The following TTLL5 variants were observed in gnomAD, a reference collection of about 807,000 sequenced individuals.
The protein encoded by TTLL5 is tubulin polyglutamylase TTLL5.
Under a neutral mutation model 168.4 loss-of-function variants are expected in TTLL5, and 132 were observed. That is an observed-to-expected ratio of 0.78 (90% CI 0.68 to 0.91). The LOEUF (loss-of-function observed/expected upper bound fraction) is 0.91, where lower values mean the gene tolerates loss of function less well. Ranked by LOEUF, TTLL5 falls within the 40% of genes least tolerant of loss-of-function variation. The pLI is 0.00. For missense variants in TTLL5, 1,545 were observed against 1,581.5 expected (o/e 0.98, Z 0.39); for synonymous variants, 546 against 558.6 (o/e 0.98, Z 0.32).
chr14:75,813,862 T>C (rs1894219373), intron 27 of TTLL5, among the ~76,000 whole-genome samples: 1 of 150,038 alleles, frequency 6.7e-6, no homozygotes, highest in Non-Finnish European at 1.5e-5. Context: ...TTTTCAACTA[T>C]CTCCTGTCTG....
At chr14:75,763,021 C>A (rs989049794) in intron 18 of TTLL5, among the ~76,000 whole-genome samples, 12 of 151,894 alleles carry the variant, frequency 7.9e-5, no homozygotes, top group Non-Finnish European at 1.6e-4. Context: ...TTAAGAGACA[C>A]GTCATTGGAG....
intron 31 of TTLL5, among the ~76,000 whole-genome samples, chr14:75,912,633 G>A (rs966799550): frequency 5.3e-5 from 8 of 152,120 alleles, no homozygotes; most frequent in African/African-American, 1.9e-4. Flanking sequence ...ATGATAAATT[G>A]GAGTATATAG....
intron 29 of TTLL5, 97 bp from the exon 30 acceptor site, chr14:75,882,588 C>T: frequency 3.7e-6 from 4 of 1,091,396 alleles, no homozygotes; most frequent in East Asian, 2.5e-5. Context: ...TTGTCCTTTT[C>T]TTTTTGCCCC....
intron 27 of TTLL5, among the ~76,000 whole-genome samples, chr14:75,796,404 G>A (rs1892999361): frequency 2.0e-5 from 3 of 152,016 alleles, no homozygotes; most frequent in Admixed American, 2.0e-4. Context: ...TATTTCTTTT[G>A]CCTGCAGAAG....
chr14:75,889,817 G>A (rs1055211809), intron 30 of TTLL5, among the ~76,000 whole-genome samples: 82 of 106,954 alleles, frequency 7.7e-4, no homozygotes, highest in African/African-American at 2.8e-3. Flanking sequence ...GCAACAGAGC[G>A]AGACTCTTAA....
At chr14:75,830,769 C>G (rs1210991640) in intron 28 of TTLL5, among the ~76,000 whole-genome samples, 1 of 152,128 alleles carries the variant, frequency 6.6e-6, no homozygotes, top group Non-Finnish European at 1.5e-5. Context: ...CCTTGGTAAG[C>G]AGTAGGAACT....
intron 30 of TTLL5, among the ~76,000 whole-genome samples, chr14:75,892,189 C>A (rs147383718): frequency 1.5e-3 from 226 of 152,308 alleles, no homozygotes; most frequent in Middle Eastern, 3.4e-3. Context: ...CCAGTTGGCT[C>A]CCAAAGTTCA....
intron 28 of TTLL5, among the ~76,000 whole-genome samples, chr14:75,836,558 C>T (rs1895879585): frequency 1.3e-5 from 2 of 152,100 alleles, no homozygotes; most frequent in South Asian, 4.1e-4. Context: ...TGTAATTGGA[C>T]TGTATGTAAC....
chr14:75,905,456 A>G (rs1595243749), intron 31 of TTLL5, among the ~76,000 whole-genome samples: 1 of 152,230 alleles, frequency 6.6e-6, no homozygotes, highest in South Asian at 2.1e-4. Flanking sequence ...TCTTGGTATT[A>G]TGAACATTAA....
intron 27 of TTLL5, among the ~76,000 whole-genome samples, chr14:75,793,864 A>G (rs1224175828): frequency 6.6e-6 from 1 of 152,248 alleles, no homozygotes; most frequent in Non-Finnish European, 1.5e-5. Flanking sequence ...CAAAGGAATT[A>G]TCATAATTTA....
At chr14:75,762,912 T>G (rs1890740461) in intron 18 of TTLL5, among the ~76,000 whole-genome samples, 1 of 152,234 alleles carries the variant, frequency 6.6e-6, no homozygotes, top group Admixed American at 6.5e-5. Context: ...TTCGTGAACG[T>G]AAACACTGGG....
chr14:75,932,867 C>T (rs1287128603), intron 31 of TTLL5, among the ~76,000 whole-genome samples: 2 of 152,150 alleles, frequency 1.3e-5, no homozygotes, highest in African/African-American at 4.8e-5. Flanking sequence ...CCTGTGAGAG[C>T]GTTGTTGGTG....
At chr14:75,726,791 G>T (rs546074500) in intron 12 of TTLL5, among the ~76,000 whole-genome samples, 1 of 152,138 alleles carries the variant, frequency 6.6e-6, no homozygotes, top group East Asian at 1.9e-4. Flanking sequence ...GAATTGACAA[G>T]TTTAAATTCA....
rs150707353 is a variant in TTLL5 at position 75,741,997 on chromosome 14, A to G, written c.1282-3098A>G. On this transcript the variant is annotated intron_variant, in intron 15 of 31. Coordinates refer to ENST00000298832, the MANE Select transcript of TTLL5 (RefSeq NM_015072.5). ...AGAAGCCAGGAATATTAAAAAAACC[A>G]TTAAAAACAATACCCAGGAATTGGA... is the stretch of plus-strand genomic sequence containing the variant. Among the ~76,000 whole-genome samples the G allele has an allele frequency of 8.3e-3, 1,268 of 152,316 alleles. 16 individuals are homozygous for G. Among genetic ancestry groups the G allele is most frequent in the African/African-American group, 0.029 (1,194 of 41,566 alleles).
At position 75,752,497 on chromosome 14, in the gene TTLL5, C is replaced by G. The variant is rs549687715; in HGVS notation, c.1488-396C>G. On this transcript the variant is annotated intron_variant, in intron 17 of 31. Transcript: ENST00000298832. Reference sequence around the variant, plus strand: ...GGGAATAACATGATTGAAACAGTCTCTTATCTACATTTTCAGGCCCTTTAT... The same window carrying G: ...GGGAATAACATGATTGAAACAGTCTGTTATCTACATTTTCAGGCCCTTTAT... Among the ~76,000 whole-genome samples, 13 of 152,304 alleles carry G rather than the reference C, an allele frequency of 8.5e-5. No homozygotes were observed. The South Asian group carries it at 2.7e-3, about 32-fold the overall frequency.
intron 7 of TTLL5, among the ~76,000 whole-genome samples, chr14:75,705,463 T>C (rs1886586045): frequency 6.6e-6 from 1 of 152,190 alleles, no homozygotes; most frequent in East Asian, 1.9e-4. Context: ...TGGGAAGAGG[T>C]AAGAATAAAG....
intron 30 of TTLL5, among the ~76,000 whole-genome samples, chr14:75,897,567 C>T (rs1595228755): frequency 6.6e-6 from 1 of 152,122 alleles, no homozygotes; most frequent in East Asian, 1.9e-4. Flanking sequence ...ACCTCTGCCT[C>T]CTGGGTTCAG....
intron 6 of TTLL5, among the ~76,000 whole-genome samples, chr14:75,695,970 T>C (rs1219620298): frequency 1.5e-5 from 2 of 137,644 alleles, no homozygotes; most frequent in Non-Finnish European, 1.6e-5. Context: ...TAGCTCCCCA[T>C]AACCTCGAAT....
At chr14:75,730,776 G>T (rs969710494) in intron 12 of TTLL5, among the ~76,000 whole-genome samples, 1 of 151,912 alleles carries the variant, frequency 6.6e-6, no homozygotes, top group African/African-American at 2.4e-5. Flanking sequence ...CTGGAGTGCA[G>T]TGGTGCGGTC....
Sources: allele counts gnomAD v4.1 joint callset (sites outside exome capture counted in the v4.1 genomes callset), GRCh38; gene constraint gnomAD v4.1.1; transcripts MANE v1.5; gene names NCBI Gene and HGNC (gene_info 2026-07-23, HGNC 2026-07-21).